Variants in FGF10 observed in about 807,000 individuals in gnomAD.
FGF10 encodes fibroblast growth factor 10.
A neutral mutation model predicts 19.8 loss-of-function variants in FGF10; 2 were observed. The ratio of observed to expected loss-of-function variants is 0.10; its 90% CI spans 0.04 to 0.32. The LOEUF (loss-of-function observed/expected upper bound fraction) is 0.32. Among genes scored for constraint, FGF10 ranks in the 10% least tolerant of loss-of-function variants. The probability of loss-of-function intolerance (pLI) is 1.00; values close to 1 mark genes in which losing one functional copy is unlikely to be tolerated. For synonymous variants in FGF10, 112 were observed against 94.0 expected, an observed-to-expected ratio of 1.19 and a Z score of -1.10; for missense variants, 191 against 246.3, an observed-to-expected ratio of 0.78 and a Z score of 1.50.
At chr5:44,314,593 G>A (rs1740292958) in intron 1 of FGF10, among the ~76,000 whole-genome samples, 1 of 152,102 alleles carries the variant, frequency 6.6e-6, no homozygotes, top group African/African-American at 2.4e-5. Flanking sequence ...TAACTTAGAA[G>A]TCACAATTTT....
intron 1 of FGF10, among the ~76,000 whole-genome samples, chr5:44,349,470 CAGAATATATATATATA>C (rs1254760734): frequency 0.024 from 596 of 24,790 alleles, 36 homozygotes; most frequent in African/African-American, 0.081. Context: ...ATATATATAT[CAGAATATATATATATA>C]TCAGAATATA....
At chr5:44,379,600 T>G (rs1432962415) in intron 1 of FGF10, among the ~76,000 whole-genome samples, 1 of 152,236 alleles carries the variant, frequency 6.6e-6, no homozygotes, top group Non-Finnish European at 1.5e-5. Context: ...GAACTGGGAC[T>G]TAGCTTTCCT....
intron 1 of FGF10, among the ~76,000 whole-genome samples, chr5:44,383,170 T>A (rs7727520): frequency 0.039 from 5,882 of 152,044 alleles, 215 homozygotes; most frequent in African/African-American, 0.1. Context: ...TTTTGGCTTG[T>A]GGAAAGTTAG....
At chr5:44,308,040 C>G (rs1388380825) in intron 2 of FGF10, among the ~76,000 whole-genome samples, 1 of 152,160 alleles carries the variant, frequency 6.6e-6, no homozygotes, top group East Asian at 1.9e-4. Flanking sequence ...CTCACTCTCT[C>G]CAAGGTCACA....
At chr5:44,342,121 A>G (rs1416003152) in intron 1 of FGF10, among the ~76,000 whole-genome samples, 1 of 152,026 alleles carries the variant, frequency 6.6e-6, no homozygotes, top group Non-Finnish European at 1.5e-5. Flanking sequence ...TTCTCAGTCC[A>G]TGCTACCACG....
intron 1 of FGF10, among the ~76,000 whole-genome samples, chr5:44,349,068 G>A (rs1741156182): frequency 2.0e-5 from 3 of 151,368 alleles, no homozygotes; most frequent in African/African-American, 7.3e-5. Flanking sequence ...CAGCTAAAAA[G>A]AGACTATAGA....
chr5:44,310,345 T>C (rs1740181852), intron 2 of FGF10, 82 bp downstream of exon 2: 1 of 880,514 alleles, frequency 1.1e-6, no homozygotes, highest in East Asian at 2.6e-5. Context: ...ATAACAAAGC[T>C]ATTCGGTGTC....
Position 44,306,395 on chromosome 5 carries a change from T to TCAAAA in FGF10, c.430-1208_430-1204dup, listed in dbSNP as rs571605166. ...CTGGGCAACAGAACGAGACTCCGTC[T>TCAAAA]CAAAACAAAACAAAACAAAAACAAA... On this transcript the variant is annotated intron_variant, in intron 2 of 2. Transcript: ENST00000264664. Among the ~76,000 whole-genome samples, 632 of 152,322 alleles carry TCAAAA rather than the reference T, an allele frequency of 4.1e-3. 4 individuals carry two copies. The highest frequency in any genetic ancestry group is 0.014 in the African/African-American group (602 of 41,580).
intron 2 of FGF10, among the ~76,000 whole-genome samples, chr5:44,306,549 T>C (rs1198830107): frequency 6.6e-6 from 1 of 152,256 alleles, no homozygotes; most frequent in African/African-American, 2.4e-5. Flanking sequence ...CATAGTTCAG[T>C]TGAGGACTGT....
rs548298465 is a variant in FGF10, at chr5:44,374,251, A to G, written c.325+14107T>C. On this transcript the variant is annotated intron_variant, in intron 1 of 2. Coordinates refer to ENST00000264664, the MANE Select transcript of FGF10 (RefSeq NM_004465.2). ...CCTTCTGTGCTTCTACGTATGTCTAATCTCCTTGTGTCTCTCTTATAAGGG... is the reference window on the plus strand; with the variant it reads ...CCTTCTGTGCTTCTACGTATGTCTAGTCTCCTTGTGTCTCTCTTATAAGGG... 2.0e-5 allele frequency among the ~76,000 whole-genome samples: 3 copies of G among 152,084 alleles called. No homozygotes were observed. In the South Asian group the frequency reaches 6.2e-4, roughly 32 times the overall value.
chr5:44,362,617 A>T (rs1390507659), intron 1 of FGF10, among the ~76,000 whole-genome samples: 1 of 151,692 alleles, frequency 6.6e-6, no homozygotes, highest in East Asian at 1.9e-4. Flanking sequence ...ATCAATGGAT[A>T]CTATATGTTA....
At chr5:44,357,477 A>G (rs1334388490) in intron 1 of FGF10, among the ~76,000 whole-genome samples, 1 of 151,510 alleles carries the variant, frequency 6.6e-6, no homozygotes, top group East Asian at 1.9e-4. Context: ...ACTGTTTAAC[A>G]CTTACCAAGT....
At chr5:44,384,129 T>C (rs535392242) in intron 1 of FGF10, among the ~76,000 whole-genome samples, 2 of 152,080 alleles carry the variant, frequency 1.3e-5, no homozygotes, top group Non-Finnish European at 2.9e-5. Flanking sequence ...AACAGTCCAA[T>C]TTATCACAGG....
At chr5:44,347,100 A>G (rs1388093053) in intron 1 of FGF10, among the ~76,000 whole-genome samples, 2 of 151,806 alleles carry the variant, frequency 1.3e-5, no homozygotes, top group African/African-American at 2.4e-5. Context: ...GGCCAAGAAC[A>G]TAGTAAATAC....
At position 44,304,949 on chromosome 5, in the gene FGF10, G is replaced by A. The variant is rs780812071; in HGVS notation, c.*46C>T. Reference sequence around the variant, plus strand: ...TCATGAAGAATATCCACTATTCTTGGCAAAAGAGCCATTGGTTCTACTGCA... The same window carrying A: ...TCATGAAGAATATCCACTATTCTTGACAAAAGAGCCATTGGTTCTACTGCA... On this transcript the variant is annotated 3_prime_UTR_variant, in exon 3 of 3. Coordinates refer to ENST00000264664, the MANE Select transcript of FGF10 (RefSeq NM_004465.2). 1 of 1,562,252 alleles carries A rather than the reference G, an allele frequency of 6.4e-7. No homozygotes were observed. The highest frequency in any genetic ancestry group is 8.8e-7 in the Non-Finnish European group (1 of 1,133,162).
intron 1 of FGF10, among the ~76,000 whole-genome samples, chr5:44,381,690 A>G (rs954107693): frequency 6.6e-6 from 1 of 152,328 alleles, no homozygotes; most frequent in Admixed American, 6.5e-5. Flanking sequence ...GGATGAAATA[A>G]CATGTCTGCT....
intron 1 of FGF10, among the ~76,000 whole-genome samples, chr5:44,368,019 C>T (rs553490315): frequency 6.6e-6 from 1 of 152,044 alleles, no homozygotes; most frequent in South Asian, 2.1e-4. Flanking sequence ...GTTAATGTAA[C>T]AGACTATAAA....
At chr5:44,386,018 A>T (rs1291563177) in intron 1 of FGF10, among the ~76,000 whole-genome samples, 1 of 152,184 alleles carries the variant, frequency 6.6e-6, no homozygotes, top group Non-Finnish European at 1.5e-5. Context: ...ACCATATAAG[A>T]TATTTAGCTT....
At chr5:44,315,700 C>T (rs1052025182) in intron 1 of FGF10, among the ~76,000 whole-genome samples, 1 of 152,100 alleles carries the variant, frequency 6.6e-6, no homozygotes, top group Admixed American at 6.6e-5. Flanking sequence ...GACACAAATA[C>T]TAACCTCTCT....
Sources: gnomAD v4.1 joint callset for allele counts (sites outside exome capture counted in the v4.1 genomes callset) on GRCh38, gnomAD v4.1.1 for gene constraint, MANE v1.5 for transcripts, NCBI Gene and HGNC (gene_info 2026-07-23, HGNC 2026-07-21) for gene names.